CSGALNACT1: variants seen among roughly 807,000 people sequenced by gnomAD.
CSGALNACT1 encodes the protein beta4GalNAcT-1.
CSGALNACT1 carries 52 observed loss-of-function variants against 51.0 expected under a neutral mutation model. That is an observed-to-expected ratio of 1.02 (90% CI 0.82 to 1.29). CSGALNACT1 has a LOEUF of 1.29. CSGALNACT1 is among the 50% of genes most tolerant of loss of function. The pLI, the probability that CSGALNACT1 is intolerant of heterozygous loss-of-function variation, is 0.00. For synonymous variants in CSGALNACT1, 341 were observed against 254.4 expected, an observed-to-expected ratio of 1.34 and a Z score of -3.24; for missense variants, 935 against 679.2, an observed-to-expected ratio of 1.38 and a Z score of -4.19.
At chr8:19,597,737 G>A (rs1432101818) in intron 2 of CSGALNACT1, among the ~76,000 whole-genome samples, 1 of 152,242 alleles carries the variant, frequency 6.6e-6, no homozygotes, top group African/African-American at 2.4e-5. Context: ...CGTCAAATGT[G>A]CAGCAAATGA....
intron 4 of CSGALNACT1, among the ~76,000 whole-genome samples, chr8:19,493,362 C>T (rs1168509633): frequency 1.3e-5 from 2 of 152,170 alleles, no homozygotes; most frequent in Non-Finnish European, 2.9e-5. Flanking sequence ...ACAATTCACC[C>T]CTTTAAAGCA....
chr8:19,503,591 A>G (rs2076787348), intron 4 of CSGALNACT1, among the ~76,000 whole-genome samples: 1 of 151,992 alleles, frequency 6.6e-6, no homozygotes, highest in African/African-American at 2.4e-5. Flanking sequence ...AATGATGTTT[A>G]ATGATTTTCC....
At chr8:19,519,052 A>G (rs1330510043) in intron 3 of CSGALNACT1, among the ~76,000 whole-genome samples, 1 of 152,206 alleles carries the variant, frequency 6.6e-6, no homozygotes. Flanking sequence ...ACCAGGTACC[A>G]GCTGATGGTT....
At chr8:19,725,815 C>T (rs564122667) in intron 1 of CSGALNACT1, among the ~76,000 whole-genome samples, 171 of 151,982 alleles carry the variant, frequency 1.1e-3, no homozygotes, top group Admixed American at 2.1e-3. Context: ...TACCCTCTAC[C>T]CCCAACACAT....
At chr8:19,580,338 G>A (rs959630287) in intron 3 of CSGALNACT1, among the ~76,000 whole-genome samples, 3 of 152,196 alleles carry the variant, frequency 2.0e-5, no homozygotes, top group Non-Finnish European at 2.9e-5. Flanking sequence ...AGGCTAAAAC[G>A]CTAAGCTGAC....
chr8:19,425,429 G>A (rs886119296), intron 6 of CSGALNACT1, among the ~76,000 whole-genome samples: 7 of 152,230 alleles, frequency 4.6e-5, no homozygotes, highest in Admixed American at 1.3e-4. Flanking sequence ...TCTCATTTTC[G>A]TGACTCCCTC....
intron 4 of CSGALNACT1, among the ~76,000 whole-genome samples, chr8:19,487,621 C>A (rs1319164488): frequency 6.6e-6 from 1 of 152,142 alleles, no homozygotes; most frequent in Non-Finnish European, 1.5e-5. Context: ...ACTCCAACAG[C>A]CGAAAAGCCA....
At chr8:19,756,924 TC>T (rs1303726093) in intron 1 of CSGALNACT1, among the ~76,000 whole-genome samples, 1 of 151,096 alleles carries the variant, frequency 6.6e-6, no homozygotes, top group Non-Finnish European at 1.5e-5. Flanking sequence ...TCCCTCCGCG[TC>T]CCCGCGCGCC....
intron 3 of CSGALNACT1, among the ~76,000 whole-genome samples, chr8:19,542,942 A>G (rs142330628): frequency 1.5e-4 from 23 of 152,252 alleles, no homozygotes; most frequent in Middle Eastern, 3.4e-3. Flanking sequence ...ATAATGAAAT[A>G]TCAGAGAGGT....
chr8:19,667,003 GAAA>G (rs1564385928), intron 1 of CSGALNACT1, among the ~76,000 whole-genome samples: 1,014 of 28,442 alleles, frequency 0.036, 74 homozygotes, highest in African/African-American at 0.06. Context: ...AAGAAAGAAA[GAAA>G]GAAAGAAAGA....
chr8:19,485,591 G>T (rs2072679447), intron 4 of CSGALNACT1, among the ~76,000 whole-genome samples: 1 of 151,898 alleles, frequency 6.6e-6, no homozygotes, highest in Admixed American at 6.6e-5. Context: ...AAGCCTACTA[G>T]CTTATTTACT....
intron 4 of CSGALNACT1, among the ~76,000 whole-genome samples, chr8:19,463,874 A>C: frequency 6.6e-6 from 1 of 151,932 alleles, no homozygotes; most frequent in East Asian, 1.9e-4. Context: ...GGACATCTCC[A>C]TGTATCCAAG....
chr8:19,479,571 G>C (rs1398036407), intron 4 of CSGALNACT1, among the ~76,000 whole-genome samples: 1 of 151,892 alleles, frequency 6.6e-6, no homozygotes, highest in Non-Finnish European at 1.5e-5. Context: ...CTACAGTATT[G>C]AAGGCTTGGG....
intron 3 of CSGALNACT1, among the ~76,000 whole-genome samples, chr8:19,552,107 G>A (rs1334813413): frequency 1.3e-5 from 2 of 152,078 alleles, no homozygotes; most frequent in African/African-American, 2.4e-5. Context: ...AGTAATTAGA[G>A]GATTTGGAAA....
chr8:19,481,519 A>G (rs1387847598), intron 4 of CSGALNACT1, among the ~76,000 whole-genome samples: 2 of 152,138 alleles, frequency 1.3e-5, no homozygotes, highest in Non-Finnish European at 2.9e-5. Context: ...GATCTTCATC[A>G]AAGTCTACCC....
At chr8:19,659,024 A>C (rs1030097171) in intron 1 of CSGALNACT1, among the ~76,000 whole-genome samples, 1 of 152,150 alleles carries the variant, frequency 6.6e-6, no homozygotes, top group African/African-American at 2.4e-5. Flanking sequence ...CTAAGTAATG[A>C]AATCTCTTGT....
At chr8:19,406,318 G>A (rs777033928) in intron 9 of CSGALNACT1, among the ~76,000 whole-genome samples, 4 of 151,858 alleles carry the variant, frequency 2.6e-5, no homozygotes, top group Admixed American at 6.6e-5. Context: ...CCAAGCATTT[G>A]CCTGCATTCA....
At chr8:19,470,799 TA>T (rs2067963179) in intron 4 of CSGALNACT1, among the ~76,000 whole-genome samples, 4 of 152,216 alleles carry the variant, frequency 2.6e-5, no homozygotes, top group African/African-American at 9.6e-5. Flanking sequence ...GAACATGTGT[TA>T]AGAGACAAAA....
chr8:19,665,952 T>C (rs779204085), intron 1 of CSGALNACT1, among the ~76,000 whole-genome samples: 2 of 152,200 alleles, frequency 1.3e-5, no homozygotes, highest in Non-Finnish European at 2.9e-5. Flanking sequence ...CCAGGCTTCT[T>C]ATTTTCTCCA....
Sources: allele counts gnomAD v4.1 joint callset (sites outside exome capture counted in the v4.1 genomes callset), GRCh38; gene constraint gnomAD v4.1.1; transcripts MANE v1.5; gene names NCBI Gene and HGNC (gene_info 2026-07-23, HGNC 2026-07-21).